Variants in PIK3R3 observed in about 807,000 individuals in gnomAD.
The protein encoded by PIK3R3 is phosphatidylinositol 3-kinase regulatory subunit gamma.
PIK3R3 carries 64 observed loss-of-function variants against 62.9 expected under a neutral mutation model. The observed-to-expected ratio is 1.02, with a 90% CI of 0.83 to 1.25. The LOEUF (loss-of-function observed/expected upper bound fraction) is 1.25. Among genes scored for constraint, PIK3R3 ranks in the 50% most tolerant of loss-of-function variants. The pLI is 0.00. For missense variants in PIK3R3, 614 were observed against 561.6 expected (o/e 1.09, Z -0.94); for synonymous variants, 165 against 189.0 (o/e 0.87, Z 1.04).
intron 4 of PIK3R3, 79 bp downstream of exon 4, chr1:46,066,832 T>G (rs537427772): frequency 2.6e-6 from 3 of 1,144,714 alleles, no homozygotes; most frequent in South Asian, 2.6e-5. Context: ...TTAAAACTGA[T>G]AAGCCTGGTA....
At chr1:46,124,628 C>A (rs929047858) in intron 1 of PIK3R3, among the ~76,000 whole-genome samples, 2 of 151,550 alleles carry the variant, frequency 1.3e-5, no homozygotes, top group Non-Finnish European at 2.9e-5. Flanking sequence ...GAAACCCCAT[C>A]TCTACTAAAA....
rs754538324 is a variant in PIK3R3, at chr1:46,042,312, T to C, written c.*1361A>G. On this transcript the variant is annotated 3_prime_UTR_variant, in exon 10 of 10. Coordinates refer to ENST00000262741, the MANE Select transcript of PIK3R3 (RefSeq NM_003629.4). This position sits in a 1 kb window ranked among gnomAD's most constrained non-coding sequence, Gnocchi z 4.3. ...CTGGAGCAGGAGGGCAGACTGCACA[T>C]AGCCTTAATGGCAGGATCACAAAAA... 7.8e-5 allele frequency: 18 copies of C among 229,442 alleles called. No homozygotes were observed. Among genetic ancestry groups the C allele is most frequent in the Non-Finnish European group, 1.4e-4 (16 of 115,722 alleles). 14.2% of individuals were successfully genotyped at this position (229,442 alleles called of 1,614,324 possible).
chr1:46,154,629 G>A, the PIK3R3 span, among the ~76,000 whole-genome samples: 1 of 152,154 alleles, frequency 6.6e-6, no homozygotes, highest in Non-Finnish European at 1.5e-5. Context: ...CTGAGGAAAT[G>A]AGGAATAGAG....
chr1:46,047,023 G>A (rs1647133474), intron 7 of PIK3R3: 1 of 187,866 alleles, frequency 5.3e-6, no homozygotes, highest in South Asian at 1.8e-4. Flanking sequence ...GTGACCTACT[G>A]AATTGAGTTT....
intron 1 of PIK3R3, among the ~76,000 whole-genome samples, chr1:46,095,788 GAC>G (rs1438296189): frequency 6.6e-6 from 1 of 152,162 alleles, no homozygotes; most frequent in African/African-American, 2.4e-5. Context: ...CCAAGTTGGA[GAC>G]AGTTTCTTCA....
At position 46,062,151 on chromosome 1, in the gene PIK3R3, T is replaced by C. The variant is rs1365491102; in HGVS notation, c.622-80A>G. 5.0e-6 allele frequency: 6 copies of C among 1,201,678 alleles called. 1 individual carries two copies. In the Admixed American group the frequency reaches 9.8e-5, roughly 20 times the overall value. The allele number at this position is 1,201,678 out of a possible 1,614,324, so 74.4% of individuals were successfully genotyped here. ...TAACCTTGGTCTTAAACAAATTTTG[T>C]AATTCCAGTTATTAATGTAATCCCA... On this transcript the variant is annotated intron_variant, in intron 5 of 9. Transcript: ENST00000262741.
At chr1:46,133,081 A>C, upstream of PIK3R3, 1 of 981,840 alleles carries the variant, frequency 1.0e-6, no homozygotes, top group Non-Finnish European at 1.2e-6. Flanking sequence ...TGCTCCTGCG[A>C]AGGAGCGGGA....
chr1:46,065,330 T>G (rs946936835), intron 5 of PIK3R3, among the ~76,000 whole-genome samples: 1 of 152,212 alleles, frequency 6.6e-6, no homozygotes, highest in Admixed American at 6.5e-5. Flanking sequence ...TTCAACAGAA[T>G]TTTGCTCTAT....
the PIK3R3 span, among the ~76,000 whole-genome samples, chr1:46,144,539 G>C: frequency 2.0e-5 from 3 of 152,182 alleles, no homozygotes; most frequent in Non-Finnish European, 2.9e-5. Context: ...GGAGGCCGAG[G>C]CGGGCGAATC....
intron 7 of PIK3R3, among the ~76,000 whole-genome samples, chr1:46,054,038 CTT>C (rs1040252830): frequency 2.6e-5 from 4 of 152,070 alleles, no homozygotes; most frequent in African/African-American, 9.7e-5. Context: ...AAAATGATCT[CTT>C]GAGAGAGCTG....
upstream of PIK3R3, among the ~76,000 whole-genome samples, chr1:46,133,719 A>G (rs1337485481): frequency 6.6e-6 from 1 of 151,880 alleles, no homozygotes; most frequent in East Asian, 1.9e-4. Context: ...TGTGCTTCCC[A>G]CCCAAAGACT....
In PIK3R3 at chr1:46,040,919, A is replaced by G. The variant is rs1243380479; in HGVS notation, c.*2754T>C. 2 of 176,488 alleles carry G rather than the reference A, an allele frequency of 1.1e-5. No individual in the cohort carries two copies. Among genetic ancestry groups the G allele is most frequent in the African/African-American group, 2.4e-5 (1 of 42,212 alleles). 10.9% of individuals were successfully genotyped at this position (176,488 alleles called of 1,614,324 possible). On this transcript the variant is annotated 3_prime_UTR_variant, in exon 10 of 10. Coordinates refer to ENST00000262741, the MANE Select transcript of PIK3R3 (RefSeq NM_003629.4). The stretch of plus-strand genomic sequence containing the variant: ...GTGCCATCTAAGGCCAGGTGGAGAC[A>G]ACACTGTTCTGTGATGAAAGCTTCA...
At chr1:46,047,847 C>T (rs1647158389) in intron 7 of PIK3R3, among the ~76,000 whole-genome samples, 2 of 152,320 alleles carry the variant, frequency 1.3e-5, no homozygotes, top group Non-Finnish European at 2.9e-5. Context: ...ATGGCACAAT[C>T]TCGGCTCACT....
At chr1:46,049,679 C>T (rs1026384107) in intron 7 of PIK3R3, among the ~76,000 whole-genome samples, 6 of 152,172 alleles carry the variant, frequency 3.9e-5, no homozygotes, top group Non-Finnish European at 8.8e-5. Flanking sequence ...CTTTGTGCTC[C>T]TCTAATTTTC....
intron 1 of PIK3R3, chr1:46,104,951 C>T: frequency 3.6e-6 from 1 of 276,628 alleles, no homozygotes; most frequent in Non-Finnish European, 6.5e-6. Flanking sequence ...AAAAAAAAAA[C>T]ACACACTAAG....
Position 46,132,336 on chromosome 1 carries a change from G to C in PIK3R3, c.-384C>G, listed in dbSNP as rs576031359. 1 of 1,110,216 alleles carries C rather than the reference G, an allele frequency of 9.0e-7. No homozygotes were observed. Among genetic ancestry groups the C allele is most frequent in the Admixed American group, 4.8e-5 (1 of 20,830 alleles). The allele number at this position is 1,110,216 out of a possible 1,614,324, so 68.8% of individuals were successfully genotyped here. ...CCACTTTTGTGTCCTTCGAAGGAGG[G>C]AGAATGAAGAGGAAAAAAAAGAACA... On this transcript the variant is annotated 5_prime_UTR_variant, in exon 1 of 10. Transcript: ENST00000262741.
intron 1 of PIK3R3, among the ~76,000 whole-genome samples, chr1:46,101,267 G>A (rs1480053229): frequency 6.6e-6 from 1 of 151,984 alleles, no homozygotes; most frequent in Non-Finnish European, 1.5e-5. Flanking sequence ...AGGCTGAGGT[G>A]GGCGGATCAC....
intron 1 of PIK3R3, among the ~76,000 whole-genome samples, chr1:46,124,402 A>G (rs1348221760): frequency 5.9e-5 from 9 of 152,202 alleles, no homozygotes; most frequent in Non-Finnish European, 1.3e-4. Flanking sequence ...AAAAAATTAT[A>G]TCATATCACA....
At chr1:46,173,594 G>A in the PIK3R3 span, among the ~76,000 whole-genome samples, 2 of 152,166 alleles carry the variant, frequency 1.3e-5, no homozygotes, top group Non-Finnish European at 2.9e-5. Context: ...AGAGTGGGCT[G>A]CACCCGCTCA....
Sources: gnomAD v4.1 joint callset for allele counts (sites outside exome capture counted in the v4.1 genomes callset) on GRCh38, gnomAD v4.1.1 for gene constraint, Gnocchi (gnomAD v3.1) non-coding constraint, MANE v1.5 for transcripts, NCBI Gene and HGNC (gene_info 2026-07-23, HGNC 2026-07-21) for gene names.